YEATS4: variants seen among roughly 807,000 people sequenced by gnomAD.
YEATS4 encodes the protein YEATS domain-containing protein 4.
YEATS4 carries 17 observed loss-of-function variants against 30.1 expected under a neutral mutation model. The observed-to-expected ratio is 0.56, with a 90% confidence interval of 0.39 to 0.85. YEATS4 has a LOEUF of 0.85. YEATS4 is among the 40% of genes least tolerant of loss of function. YEATS4 has a pLI of 0.00. For synonymous variants in YEATS4, 85 were observed against 87.5 expected, an observed-to-expected ratio of 0.97 and a Z score of 0.16; for missense variants, 142 against 268.3, an observed-to-expected ratio of 0.53 and a Z score of 3.29.
At chr12:69,388,900 T>C (rs951589423) in intron 6 of YEATS4, among the ~76,000 whole-genome samples, 2 of 152,276 alleles carry the variant, frequency 1.3e-5, no homozygotes, top group Admixed American at 1.3e-4. Context: ...AGTGAGAGTT[T>C]GCAGTGAGCC....
chr12:69,360,061 C>T, intron 1 of YEATS4, 38 bp downstream of exon 1: 2 of 1,605,740 alleles, frequency 1.2e-6, no homozygotes, highest in Non-Finnish European at 1.7e-6. Context: ...GGGTGGCTCT[C>T]CCGCCTCGGT....
At chr12:69,392,529 A>G (rs1052155725), downstream of YEATS4, among the ~76,000 whole-genome samples, 1 of 152,260 alleles carries the variant, frequency 6.6e-6, no homozygotes, top group Admixed American at 6.5e-5. Flanking sequence ...TCCATATGAT[A>G]GATTTTCCCA....
chr12:69,367,046 G>A (rs1421379924), intron 4 of YEATS4, among the ~76,000 whole-genome samples: 1 of 152,142 alleles, frequency 6.6e-6, no homozygotes, highest in East Asian at 1.9e-4. Context: ...TTCTTCCTAC[G>A]TAGGAATTTA....
the YEATS4 span, among the ~76,000 whole-genome samples, chr12:69,413,552 C>T: frequency 8.1e-6 from 1 of 123,936 alleles, no homozygotes; most frequent in Admixed American, 1.0e-4. Context: ...ACCCAAAATG[C>T]ACTAAGTAAA....
Position 69,378,363 on chromosome 12 carries a change from GAT to G in YEATS4, c.514+7391_514+7392del, listed in dbSNP as rs547682627. Among the ~76,000 whole-genome samples, 376 of 151,934 alleles carry G rather than the reference GAT, an allele frequency of 2.5e-3. 3 individuals are homozygous for G. Among genetic ancestry groups the G allele is most frequent in the Non-Finnish European group, 3.4e-3 (232 of 67,982 alleles). On this transcript the variant is annotated intron_variant, in intron 6 of 6. Transcript: ENST00000247843. ...AGACTTTAGTCCATTTACATTCACT[GAT>G]ATTGATATTTACATTCATTAGTATT...
intron 6 of YEATS4, among the ~76,000 whole-genome samples, chr12:69,380,757 G>A (rs1214912436): frequency 6.6e-6 from 1 of 152,184 alleles, no homozygotes; most frequent in East Asian, 1.9e-4. Flanking sequence ...GTGCCGGCCA[G>A]TCTGAGAAAT....
At chr12:69,386,256 T>A (rs1366430168) in intron 6 of YEATS4, among the ~76,000 whole-genome samples, 1 of 152,212 alleles carries the variant, frequency 6.6e-6, no homozygotes, top group Admixed American at 6.5e-5. Context: ...AATAAAAGTA[T>A]CATGAATCAA....
At chr12:69,367,555 A>G (rs1875483369) in intron 4 of YEATS4, among the ~76,000 whole-genome samples, 1 of 152,132 alleles carries the variant, frequency 6.6e-6, no homozygotes. Context: ...CTGTAGAGAT[A>G]GGGGCTCGCC....
At chr12:69,391,648 C>T (rs1868316501), downstream of YEATS4, among the ~76,000 whole-genome samples, 1 of 152,116 alleles carries the variant, frequency 6.6e-6, no homozygotes, top group Non-Finnish European at 1.5e-5. Flanking sequence ...CGGCCAGAGC[C>T]CTCTGGGGCT....
At position 69,370,980 on chromosome 12, in the gene YEATS4, G is replaced by T; in HGVS notation, c.514+5G>T. On this transcript the variant is annotated splice_donor_5th_base_variant and intron_variant, in intron 6 of 6. Transcript: ENST00000247843. Reference sequence around the variant, plus strand: ...CCTATAAGCATGAAACAGAATGTAAGTGCCATGCATTCATAATTCTGAAAA... The same window carrying T: ...CCTATAAGCATGAAACAGAATGTAATTGCCATGCATTCATAATTCTGAAAA... The T allele has an allele frequency of 6.2e-7, 1 of 1,604,770 alleles. No homozygotes were observed. Among genetic ancestry groups the T allele is most frequent in the Non-Finnish European group, 8.5e-7 (1 of 1,176,638 alleles).
intron 6 of YEATS4, among the ~76,000 whole-genome samples, chr12:69,383,304 T>C (rs1478117054): frequency 6.6e-6 from 1 of 151,860 alleles, no homozygotes; most frequent in East Asian, 1.9e-4. Context: ...GGGTGTGGGA[T>C]GTCTGTAAGA....
chr12:69,364,486 T>G (rs71454224), intron 2 of YEATS4, among the ~76,000 whole-genome samples: 8,686 of 152,258 alleles, frequency 0.057, 491 homozygotes, highest in East Asian at 0.28. Flanking sequence ...AAGCCACTTT[T>G]GCCAACAGAA....
At chr12:69,412,330 G>A in the YEATS4 span, among the ~76,000 whole-genome samples, 1 of 152,078 alleles carries the variant, frequency 6.6e-6, no homozygotes, top group Non-Finnish European at 1.5e-5. Flanking sequence ...TATCTCAAGG[G>A]CTCAGGTGCC....
At chr12:69,393,164 A>G (rs1335262746), downstream of YEATS4, among the ~76,000 whole-genome samples, 2 of 152,190 alleles carry the variant, frequency 1.3e-5, no homozygotes, top group Non-Finnish European at 2.9e-5. Context: ...ACCAAAGAAA[A>G]TGACTGGGCA....
chr12:69,377,571 A>T (rs1314671665), intron 6 of YEATS4, among the ~76,000 whole-genome samples: 1 of 152,172 alleles, frequency 6.6e-6, no homozygotes, highest in East Asian at 1.9e-4. Flanking sequence ...CAATTTTTCA[A>T]TTCTTAATCT....
intron 6 of YEATS4, 102 bp from the exon 7 acceptor site, chr12:69,390,045 A>T: frequency 1.0e-6 from 1 of 963,746 alleles, no homozygotes; most frequent in South Asian, 2.2e-5. Context: ...TCCACATTTC[A>T]TCATGGAAAC....
chr12:69,381,879 G>A lies in YEATS4; in HGVS notation c.515-8268G>A, dbSNP rs551422865. Reference sequence around the variant, plus strand: ...GACTGGTCCGGCACACTAAAAACAAGCTGATTAAACAGAGAAATGTAATTC... The same window carrying A: ...GACTGGTCCGGCACACTAAAAACAAACTGATTAAACAGAGAAATGTAATTC... On this transcript the variant is annotated intron_variant, in intron 6 of 6. Transcript: ENST00000247843. 4.1e-4 allele frequency among the ~76,000 whole-genome samples: 63 copies of A among 152,254 alleles called. 1 individual carries two copies. The Middle Eastern group carries it at 0.01, about 25-fold the overall frequency.
downstream of YEATS4, among the ~76,000 whole-genome samples, chr12:69,393,496 A>G (rs1332589151): frequency 1.4e-5 from 2 of 145,578 alleles, no homozygotes; most frequent in African/African-American, 2.5e-5. Context: ...ATGAGATCAT[A>G]CAAGTACCAG....
chr12:69,403,306 G>T, the YEATS4 span, among the ~76,000 whole-genome samples: 1 of 152,056 alleles, frequency 6.6e-6, no homozygotes, highest in East Asian at 1.9e-4. Context: ...TCCAGGTGTG[G>T]TTGCTCACAC....
Sources: allele counts gnomAD v4.1 joint callset (sites outside exome capture counted in the v4.1 genomes callset), GRCh38; gene constraint gnomAD v4.1.1; transcripts MANE v1.5; gene names NCBI Gene and HGNC (gene_info 2026-07-23, HGNC 2026-07-21).